MSI2: variants seen among roughly 807,000 people sequenced by gnomAD.
The protein encoded by MSI2 is musashi RNA binding protein 2.
Under a neutral mutation model 45.6 loss-of-function variants are expected in MSI2, and 17 were observed. That is an observed-to-expected ratio of 0.37 (90% CI 0.26 to 0.56). MSI2 has a LOEUF of 0.56. Among genes scored for constraint, MSI2 ranks in the 20% least tolerant of loss-of-function variants. The pLI is 0.77. For missense variants in MSI2, 293 were observed against 444.2 expected, an observed-to-expected ratio of 0.66 and a Z score of 3.06; for synonymous variants, 156 against 158.2, an observed-to-expected ratio of 0.99 and a Z score of 0.11.
chr17:57,410,008 C>CAAAAAAAAAAAA (rs59098048), intron 6 of MSI2, among the ~76,000 whole-genome samples: 4,812 of 61,448 alleles, frequency 0.078, 637 homozygotes, highest in Non-Finnish European at 0.1. Context: ...ACTCTGTCTC[C>CAAAAAAAAAAAA]AAAAAAAAAA....
intron 6 of MSI2, among the ~76,000 whole-genome samples, chr17:57,480,518 C>T (rs554062057): frequency 2.6e-5 from 4 of 152,276 alleles, no homozygotes; most frequent in Non-Finnish European, 5.9e-5. Flanking sequence ...TTCTTGTCAC[C>T]TTCATCAGAG....
intron 7 of MSI2, among the ~76,000 whole-genome samples, chr17:57,539,200 T>G (rs2086987781): frequency 6.7e-6 from 1 of 148,404 alleles, no homozygotes; most frequent in African/African-American, 2.6e-5. Context: ...TTTTTTTTTT[T>G]GAGACGGAGT....
intron 5 of MSI2, among the ~76,000 whole-genome samples, chr17:57,304,217 C>T (rs184690525): frequency 3.5e-4 from 53 of 151,418 alleles, no homozygotes; most frequent in African/African-American, 8.2e-4. Flanking sequence ...AATAGCTGGG[C>T]GTGGTGGCGT....
At chr17:57,269,759 AT>A (rs747572875) in intron 5 of MSI2, among the ~76,000 whole-genome samples, 1 of 152,212 alleles carries the variant, frequency 6.6e-6, no homozygotes, top group Non-Finnish European at 1.5e-5. Context: ...GATTGCCTGT[AT>A]AACCCCAGTG....
chr17:57,543,434 G>T (rs202048031), intron 7 of MSI2, among the ~76,000 whole-genome samples: 1 of 152,192 alleles, frequency 6.6e-6, no homozygotes, highest in Non-Finnish European at 1.5e-5. Context: ...CTGGGGGGAC[G>T]GCACGCTTTA....
chr17:57,383,390 C>T (rs1376537028), intron 5 of MSI2, among the ~76,000 whole-genome samples: 2 of 152,242 alleles, frequency 1.3e-5, no homozygotes, highest in Admixed American at 1.3e-4. Flanking sequence ...GGTGCGGTGG[C>T]TCATGCCTGT....
At chr17:57,284,900 CTT>C (rs112263860) in intron 5 of MSI2, among the ~76,000 whole-genome samples, 90 of 139,914 alleles carry the variant, frequency 6.4e-4, no homozygotes, top group Non-Finnish European at 7.9e-4. Context: ...TTAAAATGAC[CTT>C]TTTTTTTTTT....
chr17:57,365,576 G>A (rs1297224234), intron 5 of MSI2, among the ~76,000 whole-genome samples: 1 of 152,134 alleles, frequency 6.6e-6, no homozygotes, highest in African/African-American at 2.4e-5. Flanking sequence ...GGAGACATTA[G>A]GAGGGTTTCT....
intron 7 of MSI2, among the ~76,000 whole-genome samples, chr17:57,583,982 T>C (rs1168891595): frequency 6.6e-6 from 1 of 152,346 alleles, no homozygotes; most frequent in South Asian, 2.1e-4. Context: ...TAAAATCACC[T>C]GTTAAAATGC....
At chr17:57,468,520 CAAA>C (rs56105862) in intron 6 of MSI2, among the ~76,000 whole-genome samples, 6 of 104,382 alleles carry the variant, frequency 5.7e-5, no homozygotes, top group Non-Finnish European at 7.4e-5. Flanking sequence ...GACTCTATCT[CAAA>C]AAAAAAAAAA....
At chr17:57,541,879 G>A (rs987652864) in intron 7 of MSI2, among the ~76,000 whole-genome samples, 5 of 152,168 alleles carry the variant, frequency 3.3e-5, no homozygotes, top group Admixed American at 1.3e-4. Flanking sequence ...AACTGAAAGT[G>A]CCTTCTTCCC....
intron 5 of MSI2, among the ~76,000 whole-genome samples, chr17:57,317,118 C>T (rs145070354): frequency 1.3e-5 from 2 of 152,036 alleles, no homozygotes; most frequent in Non-Finnish European, 2.9e-5. Flanking sequence ...GACTAGGGGG[C>T]CTTTCACCTC....
chr17:57,411,810 C>A (rs985410711), intron 6 of MSI2, among the ~76,000 whole-genome samples: 4 of 152,018 alleles, frequency 2.6e-5, no homozygotes, highest in Non-Finnish European at 1.5e-5. Flanking sequence ...AGTTTGAGAC[C>A]AGCCTGGCCA....
intron 5 of MSI2, among the ~76,000 whole-genome samples, chr17:57,303,159 G>T (rs1211937647): frequency 6.6e-6 from 1 of 152,220 alleles, no homozygotes; most frequent in Admixed American, 6.5e-5. Context: ...TTCTGCTGTG[G>T]CTGTAGCTTT....
At chr17:57,555,357 G>A (rs1401485803) in intron 7 of MSI2, among the ~76,000 whole-genome samples, 1 of 150,734 alleles carries the variant, frequency 6.6e-6, no homozygotes, top group African/African-American at 2.4e-5. Context: ...TCTGAAATGT[G>A]ATTCTGGTCG....
the MSI2 span, among the ~76,000 whole-genome samples, chr17:57,699,957 C>T: frequency 2.6e-5 from 4 of 152,242 alleles, no homozygotes; most frequent in Non-Finnish European, 5.9e-5. Context: ...GCAATCATCG[C>T]TGATTAAAAA....
chr17:57,413,211 T>C (rs2084229699), intron 6 of MSI2, among the ~76,000 whole-genome samples: 1 of 152,226 alleles, frequency 6.6e-6, no homozygotes, highest in Non-Finnish European at 1.5e-5. Context: ...TCATTCATCT[T>C]TTCCATCTAT....
chr17:57,497,027 G>T (rs2085993038), intron 6 of MSI2, among the ~76,000 whole-genome samples: 3 of 152,134 alleles, frequency 2.0e-5, no homozygotes, highest in Non-Finnish European at 1.5e-5. Context: ...GCCCAGGCTG[G>T]AGTGCGATGG....
intron 5 of MSI2, among the ~76,000 whole-genome samples, chr17:57,384,612 G>A (rs2144042915): frequency 6.6e-6 from 1 of 152,300 alleles, no homozygotes; most frequent in Non-Finnish European, 1.5e-5. Context: ...AGAGACCAAG[G>A]AACCATGTGC....
Sources: gnomAD v4.1 joint callset for allele counts (sites outside exome capture counted in the v4.1 genomes callset) on GRCh38, gnomAD v4.1.1 for gene constraint, MANE v1.5 for transcripts, NCBI Gene and HGNC (gene_info 2026-07-23, HGNC 2026-07-21) for gene names.